The following MAPK6 variants were observed in gnomAD, a reference collection of about 807,000 sequenced individuals.
MAPK6 encodes the protein ERK-3.
A neutral mutation model predicts 59.3 loss-of-function variants in MAPK6; 19 were observed. The ratio of observed to expected loss-of-function variants is 0.32; its 90% CI spans 0.22 to 0.47. The LOEUF (loss-of-function observed/expected upper bound fraction) is 0.47, where lower values mean the gene tolerates loss of function less well. MAPK6 is among the 20% of genes least tolerant of loss of function. MAPK6 has a pLI of 1.00. For synonymous variants in MAPK6, 316 were observed against 290.3 expected, an observed-to-expected ratio of 1.09 and a Z score of -0.90; for missense variants, 724 against 847.9, an observed-to-expected ratio of 0.85 and a Z score of 1.81.
chr15:51,992,293 A>ATCTATCTATCTATCTATCTATC (rs56098548), intron 2 of MAPK6, among the ~76,000 whole-genome samples: 251 of 101,266 alleles, frequency 2.5e-3, no homozygotes, highest in African/African-American at 8.0e-3. Flanking sequence ...CTATCTATCT[A>ATCTATCTATCTATCTATCTATC]TATATATATA....
At chr15:52,049,239 C>T (rs1379596107) in intron 2 of MAPK6, among the ~76,000 whole-genome samples, 1 of 152,018 alleles carries the variant, frequency 6.6e-6, no homozygotes, top group African/African-American at 2.4e-5. Context: ...CTCTGGTGCT[C>T]TTCCCTACTG....
intron 2 of MAPK6, among the ~76,000 whole-genome samples, chr15:51,988,588 C>T (rs557763946): frequency 5.3e-4 from 80 of 151,960 alleles, no homozygotes; most frequent in Non-Finnish European, 1.0e-3. Context: ...AAAAATTAGC[C>T]GGGTGTGGTG....
chr15:52,015,478 GA>G (rs1449641885), upstream of MAPK6, among the ~76,000 whole-genome samples: 30 of 148,706 alleles, frequency 2.0e-4, no homozygotes, highest in South Asian at 5.8e-3. Context: ...CACAGAATGG[GA>G]TTTTTTTTTT....
At chr15:52,038,429 T>G (rs1464806750) in intron 1 of MAPK6, among the ~76,000 whole-genome samples, 2 of 152,206 alleles carry the variant, frequency 1.3e-5, no homozygotes, top group Admixed American at 1.3e-4. Context: ...GTGTCACTTT[T>G]GGATGGAAGC....
At chr15:52,022,438 T>G (rs2141850768) in intron 1 of MAPK6, among the ~76,000 whole-genome samples, 2 of 152,234 alleles carry the variant, frequency 1.3e-5, no homozygotes, top group South Asian at 4.1e-4. Flanking sequence ...TTTTTCGTAT[T>G]TTTTGTAGAG....
intron 3 of MAPK6, among the ~76,000 whole-genome samples, chr15:52,013,246 C>T (rs1425780549): frequency 6.6e-6 from 1 of 151,244 alleles, no homozygotes; most frequent in East Asian, 1.9e-4. Context: ...ATGTAATAAT[C>T]CTATCAAGAA....
intron 1 of MAPK6, among the ~76,000 whole-genome samples, chr15:51,973,916 T>C (rs1297339715): frequency 6.6e-6 from 1 of 151,844 alleles, no homozygotes; most frequent in African/African-American, 2.4e-5. Context: ...CCTCCCAAAG[T>C]GATGGAATTA....
chr15:52,062,247 G>A (rs769114533), intron 5 of MAPK6, among the ~76,000 whole-genome samples: 13 of 151,588 alleles, frequency 8.6e-5, no homozygotes, highest in Non-Finnish European at 1.5e-4. Context: ...GGCTGGTCTC[G>A]AACTCCTGAC....
intron 1 of MAPK6, among the ~76,000 whole-genome samples, chr15:52,031,986 T>G (rs1037902250): frequency 5.3e-5 from 8 of 151,232 alleles, no homozygotes; most frequent in Non-Finnish European, 8.8e-5. Context: ...CTGCAAGCCC[T>G]GCCTCCCGGG....
At chr15:52,031,498 C>T (rs1427799805) in intron 1 of MAPK6, among the ~76,000 whole-genome samples, 1 of 152,154 alleles carries the variant, frequency 6.6e-6, no homozygotes. Flanking sequence ...CACAATGCTT[C>T]ACACATAATA....
At chr15:52,020,612 C>T (rs2030488348) in intron 1 of MAPK6, among the ~76,000 whole-genome samples, 1 of 152,166 alleles carries the variant, frequency 6.6e-6, no homozygotes, top group Admixed American at 6.5e-5. Flanking sequence ...CTCTTTAACG[C>T]TGGAAAACTG....
chr15:51,998,712 A>G (rs1452242434), intron 2 of MAPK6, among the ~76,000 whole-genome samples: 1 of 1,754 alleles, frequency 5.7e-4, no homozygotes, highest in African/African-American at 7.2e-4. Context: ...TTTTTTTGAG[A>G]CGGAGTCTCG....
intron 3 of MAPK6, among the ~76,000 whole-genome samples, chr15:52,004,787 T>G (rs1319532529): frequency 6.6e-6 from 1 of 152,182 alleles, no homozygotes; most frequent in Non-Finnish European, 1.5e-5. Context: ...CCCCATGACC[T>G]AAACACCTCC....
chr15:52,055,810 C>G (rs1013366200), intron 3 of MAPK6, among the ~76,000 whole-genome samples: 1 of 152,130 alleles, frequency 6.6e-6, no homozygotes, highest in Non-Finnish European at 1.5e-5. Flanking sequence ...CCACTGCTCT[C>G]GGCTGTATTT....
intron 2 of MAPK6, among the ~76,000 whole-genome samples, chr15:51,990,283 C>G (rs2057203992): frequency 6.6e-6 from 1 of 152,128 alleles, no homozygotes; most frequent in South Asian, 2.1e-4. Context: ...CGATAATGCC[C>G]AACTTTGGAA....
intron 1 of MAPK6, among the ~76,000 whole-genome samples, chr15:52,039,021 C>A (rs2031330503): frequency 6.6e-6 from 1 of 152,174 alleles, no homozygotes; most frequent in Non-Finnish European, 1.5e-5. Context: ...TACAGTAAAT[C>A]TGTAACTAGG....
At chr15:52,036,404 G>T (rs573858709) in intron 1 of MAPK6, among the ~76,000 whole-genome samples, 1 of 152,160 alleles carries the variant, frequency 6.6e-6, no homozygotes, top group Non-Finnish European at 1.5e-5. Flanking sequence ...ATTTCTTACA[G>T]TTCTGGAGGC....
chr15:51,986,117 G>A (rs1311157104), intron 2 of MAPK6, among the ~76,000 whole-genome samples: 2 of 152,280 alleles, frequency 1.3e-5, no homozygotes, highest in East Asian at 3.9e-4. Context: ...TGGCTGGGAG[G>A]CCTCAGGAAA....
chr15:52,054,486 T>C (rs2031892950), intron 3 of MAPK6, among the ~76,000 whole-genome samples: 1 of 152,166 alleles, frequency 6.6e-6, no homozygotes, highest in South Asian at 2.1e-4. Context: ...CTTGACACTT[T>C]CATAAAGAAT....
Sources: allele counts gnomAD v4.1 joint callset (sites outside exome capture counted in the v4.1 genomes callset), GRCh38; gene constraint gnomAD v4.1.1; transcripts MANE v1.5; gene names NCBI Gene and HGNC (gene_info 2026-07-23, HGNC 2026-07-21).